The following DSCAM variants were observed in gnomAD, a reference collection of about 807,000 sequenced individuals.
DSCAM encodes cell adhesion molecule DSCAM.
A neutral mutation model predicts 217.7 loss-of-function variants in DSCAM; 47 were observed. The ratio of observed to expected loss-of-function variants is 0.22; its 90% CI spans 0.17 to 0.28. DSCAM has a LOEUF of 0.28. Ranked by LOEUF, DSCAM falls within the 10% of genes least tolerant of loss-of-function variation. The pLI is 1.00. For missense variants in DSCAM, 2,080 were observed against 2,618.3 expected (o/e 0.79, Z 4.49); for synonymous variants, 1,056 against 1,015.3 (o/e 1.04, Z -0.76).
At chr21:40,259,163 A>G (rs562396281) in intron 11 of DSCAM, among the ~76,000 whole-genome samples, 6 of 152,272 alleles carry the variant, frequency 3.9e-5, no homozygotes, top group Non-Finnish European at 8.8e-5. Flanking sequence ...ACGCTTACAC[A>G]TATGAATATG....
chr21:40,486,055 G>C (rs904460591), intron 3 of DSCAM, among the ~76,000 whole-genome samples: 4 of 152,174 alleles, frequency 2.6e-5, no homozygotes, highest in African/African-American at 9.7e-5. Context: ...TAAAGCCTGA[G>C]ATATAGCTAA....
chr21:40,728,252 C>G (rs2090977842), intron 1 of DSCAM, among the ~76,000 whole-genome samples: 1 of 152,112 alleles, frequency 6.6e-6, no homozygotes, highest in South Asian at 2.1e-4. Context: ...TGATTTTATT[C>G]CCTGATGTAT....
intron 6 of DSCAM, among the ~76,000 whole-genome samples, chr21:40,341,568 C>T (rs913769568): frequency 6.6e-6 from 1 of 152,122 alleles, no homozygotes; most frequent in Non-Finnish European, 1.5e-5. Flanking sequence ...TTTCCATTAC[C>T]AAAATTCCTT....
intron 11 of DSCAM, among the ~76,000 whole-genome samples, chr21:40,242,005 G>A (rs1451714515): frequency 6.6e-6 from 1 of 152,110 alleles, no homozygotes; most frequent in East Asian, 1.9e-4. Flanking sequence ...TGAGTGGGGA[G>A]GGTGGGAGGA....
intron 2 of DSCAM, 87 bp downstream of exon 2, chr21:40,708,367 C>A (rs1206807111): frequency 8.6e-7 from 1 of 1,161,890 alleles, no homozygotes; most frequent in East Asian, 2.8e-5. Context: ...TGGTTCTCTG[C>A]TGTGATGGCA....
chr21:40,033,605 C>T (rs1001565721), intron 32 of DSCAM, among the ~76,000 whole-genome samples: 3 of 151,128 alleles, frequency 2.0e-5, no homozygotes, highest in Admixed American at 6.6e-5. Context: ...GGGAGGGGGG[C>T]CCCCCATTGC....
At chr21:40,750,184 T>G (rs11910567) in intron 1 of DSCAM, among the ~76,000 whole-genome samples, 60,057 of 151,850 alleles carry the variant, frequency 0.4, 12,798 homozygotes, top group East Asian at 0.47. Flanking sequence ...CATCTCAGCC[T>G]CCCAATGTGC....
intron 8 of DSCAM, among the ~76,000 whole-genome samples, chr21:40,335,587 A>G (rs1030364447): frequency 7.2e-4 from 110 of 152,352 alleles, no homozygotes; most frequent in African/African-American, 2.3e-3. Flanking sequence ...ATACCTATTT[A>G]TCCAATGGTC....
intron 4 of DSCAM, among the ~76,000 whole-genome samples, chr21:40,368,462 G>T (rs928444475): frequency 1.3e-5 from 2 of 152,210 alleles, no homozygotes; most frequent in African/African-American, 4.8e-5. Context: ...TTGTATTTGT[G>T]CTGGACCTTG....
At chr21:40,590,499 GA>G (rs1430502614) in intron 3 of DSCAM, among the ~76,000 whole-genome samples, 1 of 152,174 alleles carries the variant, frequency 6.6e-6, no homozygotes, top group East Asian at 1.9e-4. Flanking sequence ...AAAATGTGGG[GA>G]AACAGCTCTG....
chr21:40,614,412 T>G (rs191985247), intron 3 of DSCAM, among the ~76,000 whole-genome samples: 7 of 152,236 alleles, frequency 4.6e-5, no homozygotes, highest in Non-Finnish European at 8.8e-5. Flanking sequence ...AATGAAAAGC[T>G]ACTTACAAAC....
At chr21:40,017,834 G>A (rs758767542) in intron 32 of DSCAM, among the ~76,000 whole-genome samples, 1 of 152,208 alleles carries the variant, frequency 6.6e-6, no homozygotes, top group Admixed American at 6.5e-5. Context: ...TTACAGGCGT[G>A]AGCCACCGCA....
At chr21:40,756,769 T>C (rs1455672721) in intron 1 of DSCAM, among the ~76,000 whole-genome samples, 1 of 152,196 alleles carries the variant, frequency 6.6e-6, no homozygotes, top group East Asian at 1.9e-4. Flanking sequence ...TCTTTTATCC[T>C]ACAACTCACA....
At chr21:40,786,269 G>A (rs77230223) in intron 1 of DSCAM, among the ~76,000 whole-genome samples, 44 of 96,006 alleles carry the variant, frequency 4.6e-4, no homozygotes, top group Admixed American at 2.3e-3. Context: ...AAGGAAGGAA[G>A]GAAAGAAAGA....
intron 5 of DSCAM, among the ~76,000 whole-genome samples, chr21:40,352,298 C>T (rs8132136): frequency 0.72 from 108,918 of 152,008 alleles, 39,316 homozygotes; most frequent in African/African-American, 0.78. Context: ...ACTTTGAGCC[C>T]GTGGGAATAA....
chr21:40,575,468 T>C (rs1030499370), intron 3 of DSCAM, among the ~76,000 whole-genome samples: 8 of 66,724 alleles, frequency 1.2e-4, no homozygotes, highest in African/African-American at 3.1e-4. Context: ...ATTACGGGAA[T>C]AGAATAGAGA....
At chr21:40,212,420 A>G (rs1305812532) in intron 11 of DSCAM, 1 of 154,206 alleles carries the variant, frequency 6.5e-6, no homozygotes, top group Non-Finnish European at 1.5e-5. Context: ...TGTTCAATCT[A>G]AACACCATGG....
At chr21:40,345,825 GA>G (rs901193346) in intron 6 of DSCAM, among the ~76,000 whole-genome samples, 30 of 149,332 alleles carry the variant, frequency 2.0e-4, no homozygotes, top group Admixed American at 4.7e-4. Flanking sequence ...TCAGAAGAGA[GA>G]AAAAAAAAAG....
At chr21:40,582,682 G>A (rs1601764195) in intron 3 of DSCAM, among the ~76,000 whole-genome samples, 1 of 152,086 alleles carries the variant, frequency 6.6e-6, no homozygotes, top group Non-Finnish European at 1.5e-5. Context: ...GATAAGACCT[G>A]GAGAAAATGA....
Sources: allele counts gnomAD v4.1 joint callset (sites outside exome capture counted in the v4.1 genomes callset), GRCh38; gene constraint gnomAD v4.1.1; transcripts MANE v1.5; gene names NCBI Gene and HGNC (gene_info 2026-07-23, HGNC 2026-07-21).